The following CFAP54 variants were observed in gnomAD, a reference collection of about 807,000 sequenced individuals.
The protein encoded by CFAP54 is cilia and flagella associated protein 54, also known as cilia- and flagella-associated protein 54.
CFAP54 carries 290 observed loss-of-function variants against 370.4 expected under a neutral mutation model. The ratio of observed to expected loss-of-function variants is 0.78; its 90% CI spans 0.71 to 0.86. The LOEUF is 0.86. Among genes scored for constraint, CFAP54 ranks in the 40% least tolerant of loss-of-function variants. CFAP54 has a pLI of 0.00. For missense variants in CFAP54, 3,399 were observed against 3,528.7 expected, an observed-to-expected ratio of 0.96 and a Z score of 0.93; for synonymous variants, 1,206 against 1,236.5, an observed-to-expected ratio of 0.98 and a Z score of 0.52.
intron 50 of CFAP54, among the ~76,000 whole-genome samples, chr12:96,735,443 T>A (rs1957969260): frequency 6.6e-6 from 1 of 152,176 alleles, no homozygotes; most frequent in African/African-American, 2.4e-5. Context: ...GTGCAGAGGC[T>A]TAAGGAACTA....
In CFAP54 at chr12:96,840,956, G is replaced by A. The variant is rs117565898; in HGVS notation, c.9171+11868G>A. Among the ~76,000 whole-genome samples the A allele has an allele frequency of 2.0e-3, 310 of 152,278 alleles. 5 individuals carry two copies. Among genetic ancestry groups the A allele is most frequent in the Admixed American group, 0.013 (204 of 15,290 alleles). On this transcript the variant is annotated intron_variant, in intron 66 of 67. Transcript: ENST00000524981. ...TGTGCTCTTCAAAATGCTAAGAAAA[G>A]GCTAAGCTGTTTATAGCATTTCCAA...
chr12:96,571,490 T>A (rs1173792291), intron 19 of CFAP54, among the ~76,000 whole-genome samples: 2 of 152,170 alleles, frequency 1.3e-5, no homozygotes. Context: ...TCTAATTTGC[T>A]AGGCACTGTG....
intron 53 of CFAP54, 31 bp downstream of exon 53, chr12:96,743,590 T>G (rs956141959): frequency 5.0e-6 from 8 of 1,612,936 alleles, no homozygotes; most frequent in Non-Finnish European, 6.8e-6. Context: ...GTATTTATAG[T>G]CAGGGAGGGA....
At chr12:96,645,379 A>G (rs887390835) in intron 33 of CFAP54, 1 of 293,512 alleles carries the variant, frequency 3.4e-6, no homozygotes, top group Non-Finnish European at 6.9e-6. Flanking sequence ...ATACCCAGGA[A>G]TCCAACTTAC....
chr12:96,756,705 T>A (rs1170638577), intron 57 of CFAP54, 142 bp downstream of exon 57: 1 of 643,072 alleles, frequency 1.6e-6, no homozygotes, highest in Non-Finnish European at 2.7e-6. Context: ...TCAAGCTTGT[T>A]GCTCTTTGTT....
intron 65 of CFAP54, among the ~76,000 whole-genome samples, chr12:96,823,813 G>C (rs1438372595): frequency 6.6e-6 from 1 of 152,166 alleles, no homozygotes; most frequent in Non-Finnish European, 1.5e-5. Context: ...TTGGGGCCTA[G>C]GACAAGGTAG....
At chr12:96,737,477 T>TTA (rs1194481557) in intron 50 of CFAP54, among the ~76,000 whole-genome samples, 58 of 146,550 alleles carry the variant, frequency 4.0e-4, no homozygotes, top group African/African-American at 7.2e-4. Context: ...ATATTATATT[T>TTA]TATATATATA....
intron 67 of CFAP54, among the ~76,000 whole-genome samples, chr12:96,864,139 G>T (rs1959947222): frequency 6.6e-6 from 1 of 152,120 alleles, no homozygotes; most frequent in South Asian, 2.1e-4. Context: ...TACACAATTT[G>T]CAGCTGGTTT....
intron 66 of CFAP54, among the ~76,000 whole-genome samples, chr12:96,836,815 GA>G (rs1959187581): frequency 6.6e-6 from 1 of 152,060 alleles, no homozygotes; most frequent in Non-Finnish European, 1.5e-5. Flanking sequence ...TCTTATTTCT[GA>G]TTTTTTAAAT....
At chr12:96,682,431 CATCACAGCTCACTGTGTG>C (rs1957283218) in intron 40 of CFAP54, 3 of 410,412 alleles carry the variant, frequency 7.3e-6, no homozygotes, top group South Asian at 2.0e-4. Context: ...GCAGTGGTGC[CATCACAGCTCACTGTGTG>C]ATCACAGCCT....
At chr12:96,610,900 T>C (rs1956351089) in intron 26 of CFAP54, among the ~76,000 whole-genome samples, 1 of 152,102 alleles carries the variant, frequency 6.6e-6, no homozygotes, top group South Asian at 2.1e-4. Context: ...AAGTTCGAAC[T>C]GGGTGGAGCC....
chr12:96,598,876 G>A, intron 26 of CFAP54, 109 bp downstream of exon 26: 1 of 401,092 alleles, frequency 2.5e-6, no homozygotes. Context: ...CACCCTAAAA[G>A]CATTTTTAGA....
rs1429167788 is a variant in CFAP54 at position 96,874,785 on chromosome 12, A to G, written c.*15-333A>G. ...GCTGGGACTACAGGCGCCCGCCACT[A>G]CGCCCGGCTAACTTTTTGTATTTTT... On this transcript the variant is annotated intron_variant, in intron 67 of 67. Transcript: ENST00000524981. Among the ~76,000 whole-genome samples, 10 of 150,560 alleles carry G rather than the reference A, an allele frequency of 6.6e-5. No individual in the cohort carries two copies. The South Asian group carries it at 2.1e-3, about 32-fold the overall frequency.
At chr12:96,671,993 A>T (rs1373995868) in intron 39 of CFAP54, among the ~76,000 whole-genome samples, 1 of 152,102 alleles carries the variant, frequency 6.6e-6, no homozygotes, top group African/African-American at 2.4e-5. Context: ...AAAGAAAGAA[A>T]GAAAAAGAAA....
intron 35 of CFAP54, among the ~76,000 whole-genome samples, chr12:96,650,728 A>G (rs959181574): frequency 6.6e-6 from 1 of 152,210 alleles, no homozygotes; most frequent in Non-Finnish European, 1.5e-5. Context: ...CTAGATAAGA[A>G]AGGAAGACAG....
chr12:96,757,673 G>A (rs757132742), intron 58 of CFAP54, 85 bp downstream of exon 58: 27 of 652,460 alleles, frequency 4.1e-5, no homozygotes, highest in Non-Finnish European at 6.2e-5. Flanking sequence ...AAATAATGAG[G>A]CTGATTTTCC....
rs143480935 is a variant in CFAP54, at chr12:96,730,842, A to G, written c.6966-9114A>G. 7.2e-5 allele frequency among the ~76,000 whole-genome samples: 11 copies of G among 152,362 alleles called. No individual in the cohort carries two copies. The East Asian group carries it at 2.1e-3, about 29-fold the overall frequency. The stretch of plus-strand genomic sequence containing the variant: ...GTATAAGCCTACAAGCTTTGACTGA[A>G]GGCTGTTCCATGACTAACCACATCT... On this transcript the variant is annotated intron_variant, in intron 50 of 67. Transcript: ENST00000524981.
At chr12:96,544,225 A>ACTATGG (rs1293391941) in intron 14 of CFAP54, among the ~76,000 whole-genome samples, 17 of 20,744 alleles carry the variant, frequency 8.2e-4, no homozygotes, top group Non-Finnish European at 1.4e-3. Flanking sequence ...CTGGCTCATG[A>ACTATGG]CTCCCTAGTT....
intron 19 of CFAP54, among the ~76,000 whole-genome samples, chr12:96,570,359 C>T (rs1344608871): frequency 6.6e-6 from 1 of 151,454 alleles, no homozygotes; most frequent in Non-Finnish European, 1.5e-5. Flanking sequence ...CTAATTCTGA[C>T]CCCTCCTCTT....
Sources: gnomAD v4.1 joint callset for allele counts (sites outside exome capture counted in the v4.1 genomes callset) on GRCh38, gnomAD v4.1.1 for gene constraint, MANE v1.5 for transcripts, NCBI Gene and HGNC (gene_info 2026-07-23, HGNC 2026-07-21) for gene names.